CDCA2: variants seen among roughly 807,000 people sequenced by gnomAD.
The protein encoded by CDCA2 is cell division cycle-associated protein 2.
Under a neutral mutation model 67.0 loss-of-function variants are expected in CDCA2, and 44 were observed. The ratio of observed to expected loss-of-function variants is 0.66; its 90% CI spans 0.52 to 0.84. The LOEUF (loss-of-function observed/expected upper bound fraction) is 0.84. Ranked by LOEUF, CDCA2 falls within the 40% of genes least tolerant of loss-of-function variation. CDCA2 has a pLI of 0.00. For missense variants in CDCA2, 1,253 were observed against 1,203.2 expected (o/e 1.04, Z -0.61); for synonymous variants, 447 against 418.7 (o/e 1.07, Z -0.82).
chr8:25,484,395 G>T (rs1232887758), intron 10 of CDCA2, among the ~76,000 whole-genome samples, 185 bp downstream of exon 10: 1 of 152,040 alleles, frequency 6.6e-6, no homozygotes, highest in East Asian at 1.9e-4. Flanking sequence ...ATACTTCCCT[G>T]ACTCCTTGTA....
Position 25,466,290 on chromosome 8 carries a change from CAG to C in CDCA2, c.506_507del (p.Glu169GlyfsTer42), listed in dbSNP as rs1802899464. 1 of 1,609,226 alleles carries C rather than the reference CAG, an allele frequency of 6.2e-7. No homozygotes were observed. ...AAAATGACCGGCTGTCTGGAATTCT[CAG>C]AGGCAGGAAAAGAGTCCGAGATGAC... is the stretch of plus-strand genomic sequence containing the variant. On this transcript the variant is annotated frameshift_variant, in exon 5 of 15. Coordinates refer to ENST00000330560, the MANE Select transcript of CDCA2 (RefSeq NM_152562.4). LOFTEE classifies it high-confidence loss of function.
At chr8:25,501,439 C>CCCAAT (rs1416087836) in intron 13 of CDCA2, among the ~76,000 whole-genome samples, 1 of 152,198 alleles carries the variant, frequency 6.6e-6, no homozygotes, top group Non-Finnish European at 1.5e-5. Flanking sequence ...GCCTTCATTG[C>CCCAAT]TTTCATTCAA....
Position 25,479,932 on chromosome 8 carries a change from T to G in CDCA2, c.840T>G (p.Cys280Trp), listed in dbSNP as rs1269212183. Residue 280 changes from cysteine (C) to tryptophan (W), a missense_variant, in exon 8 of 15, where the codon TGT becomes TGG. Coordinates refer to ENST00000330560, the MANE Select transcript of CDCA2 (RefSeq NM_152562.4). ...ETSNALKVAD[C>W]VVGKGSSDAV... ...TTGAAGCACTAAAGGTTGCTGACTG[T>G]GTAGTGGGCAAAGGATCAAGTGATG... The G allele has an allele frequency of 6.2e-7, 1 of 1,614,082 alleles. No homozygotes were observed. The highest frequency in any genetic ancestry group is 2.2e-5 in the East Asian group (1 of 44,890).
chr8:25,479,234 CTCTT>C (rs1196397719), intron 7 of CDCA2, among the ~76,000 whole-genome samples: 1 of 152,152 alleles, frequency 6.6e-6, no homozygotes, highest in Non-Finnish European at 1.5e-5. Flanking sequence ...ATAGCCATCA[CTCTT>C]TCCCTCTCCC....
At chr8:25,462,966 A>T (rs1029903070) in intron 4 of CDCA2, among the ~76,000 whole-genome samples, 2 of 152,202 alleles carry the variant, frequency 1.3e-5, no homozygotes, top group Non-Finnish European at 2.9e-5. Context: ...ACAGTGCTCA[A>T]CCCAAACGAG....
intron 7 of CDCA2, among the ~76,000 whole-genome samples, chr8:25,470,532 C>T (rs745415527): frequency 2.0e-5 from 3 of 152,124 alleles, no homozygotes; most frequent in Non-Finnish European, 4.4e-5. Context: ...TTATTCACAT[C>T]TGTCATTTTA....
intron 13 of CDCA2, among the ~76,000 whole-genome samples, chr8:25,490,871 G>C (rs753712867): frequency 6.6e-6 from 1 of 152,160 alleles, no homozygotes; most frequent in African/African-American, 2.4e-5. Flanking sequence ...CTGGAAAGCA[G>C]AGGAAACCTA....
Position 25,466,310 on chromosome 8 carries a change from G to A in CDCA2, c.523G>A (p.Glu175Lys), listed in dbSNP as rs751092178. Residue 175 changes from glutamate (E) to lysine (K), a missense_variant, in exon 5 of 15, where the codon GAG becomes AAG. By Grantham distance (56) the Glu-to-Lys change is moderately conservative (BLOSUM62 1). Transcript: ENST00000330560. ...ATTCTCAGAGGCAGGAAAAGAGTCC[G>A]AGATGACAGACTTGAGTGAGTAGAA... ...LEFSEAGKESEMTDLTRKEGL... is the reference protein window; with the variant it reads ...LEFSEAGKESKMTDLTRKEGL... The A allele has an allele frequency of 5.6e-6, 9 of 1,602,332 alleles. 1 individual carries two copies. In the South Asian group the frequency reaches 5.6e-5, roughly 10 times the overall value.
chr8:25,473,427 AT>A (rs1238369913), intron 7 of CDCA2, among the ~76,000 whole-genome samples: 12 of 152,012 alleles, frequency 7.9e-5, no homozygotes, highest in African/African-American at 2.9e-4. Context: ...TATGGTTTTT[AT>A]TTTTCATCTT....
intron 4 of CDCA2, among the ~76,000 whole-genome samples, chr8:25,464,364 T>G (rs1361977006): frequency 1.3e-5 from 2 of 152,204 alleles, no homozygotes; most frequent in Non-Finnish European, 1.5e-5. Context: ...TGCAGTGAGC[T>G]GTGATTGTGC....
At chr8:25,462,409 T>C (rs1262259164) in intron 4 of CDCA2, among the ~76,000 whole-genome samples, 1 of 152,026 alleles carries the variant, frequency 6.6e-6, no homozygotes, top group African/African-American at 2.4e-5. Flanking sequence ...GGCAGATCAT[T>C]TGAGGTCAGG....
At chr8:25,472,211 T>G (rs1803182598) in intron 7 of CDCA2, 1 of 151,974 alleles carries the variant, frequency 6.6e-6, no homozygotes, top group Non-Finnish European at 1.5e-5. Flanking sequence ...AATTTTTTTT[T>G]TTTACCTCAA....
At position 25,468,398 on chromosome 8, in the gene CDCA2, T is replaced by A; in HGVS notation, c.720T>A (p.Ser240=). Residue 240 remains serine, a synonymous_variant, in exon 6 of 15, where the codon TCT becomes TCA. Transcript: ENST00000330560. ...DTDRACAVET[S]VDLSEISSKL... is the part of the protein sequence containing the mutation. ...ACAGAGCATGTGCAGTTGAAACTTC[T>A]GTAGATCTTTCTGAGGTAATTCACT... is the stretch of plus-strand genomic sequence containing the variant. The A allele has an allele frequency of 6.2e-7, 1 of 1,611,056 alleles. No individual in the cohort carries two copies. The highest frequency in any genetic ancestry group is 8.5e-7 in the Non-Finnish European group (1 of 1,178,654).
intron 7 of CDCA2, among the ~76,000 whole-genome samples, chr8:25,478,711 G>A (rs923328465): frequency 1.3e-5 from 2 of 152,030 alleles, no homozygotes; most frequent in South Asian, 2.1e-4. Flanking sequence ...TTGGCTTTGT[G>A]TGCATAATGT....
chr8:25,489,214 T>C (rs1004663766), intron 13 of CDCA2, among the ~76,000 whole-genome samples: 2 of 152,164 alleles, frequency 1.3e-5, no homozygotes, highest in Non-Finnish European at 2.9e-5. Context: ...TCCAGCTCAG[T>C]GATCTGGACT....
intron 12 of CDCA2, among the ~76,000 whole-genome samples, chr8:25,487,599 C>G (rs150888442): frequency 6.6e-6 from 1 of 152,004 alleles, no homozygotes; most frequent in Non-Finnish European, 1.5e-5. Context: ...AAAAATTAGC[C>G]GGACGTGGTG....
chr8:25,493,558 A>G (rs1421912619), intron 13 of CDCA2, among the ~76,000 whole-genome samples: 2 of 152,260 alleles, frequency 1.3e-5, no homozygotes, highest in African/African-American at 4.8e-5. Flanking sequence ...AATGTCACTA[A>G]TATTTGAAGA....
rs749612309 is a variant in CDCA2 at position 25,468,389 on chromosome 8, T to C, written c.711T>C (p.Val237=). 4 of 1,611,890 alleles carry C rather than the reference T, an allele frequency of 2.5e-6. No individual in the cohort carries two copies. The Admixed American group carries it at 6.7e-5, about 27-fold the overall frequency. The change falls in exon 6 of 15, where the codon GTT becomes GTC. Residue 237 remains valine, a synonymous_variant. Coordinates refer to ENST00000330560, the MANE Select transcript of CDCA2 (RefSeq NM_152562.4). ...FNIDTDRACA[V]ETSVDLSEIS... ...TTGATACAGACAGAGCATGTGCAGT[T>C]GAAACTTCTGTAGATCTTTCTGAGG...
At chr8:25,497,492 T>TAAAAAAAAAAAAA (rs535097107) in intron 13 of CDCA2, among the ~76,000 whole-genome samples, 1 of 34,190 alleles carries the variant, frequency 2.9e-5, no homozygotes, top group African/African-American at 5.4e-5. Flanking sequence ...GTGGAATCTT[T>TAAAAAAAAAAAAA]AAAAAATAAA....
Sources: allele counts gnomAD v4.1 joint callset (sites outside exome capture counted in the v4.1 genomes callset), GRCh38; gene constraint gnomAD v4.1.1; transcripts MANE v1.5; gene names NCBI Gene and HGNC (gene_info 2026-07-23, HGNC 2026-07-21).